DNAJB12: variants seen among roughly 807,000 people sequenced by gnomAD.
DNAJB12 encodes dnaJ homolog subfamily B member 12.
Under a neutral mutation model 40.6 loss-of-function variants are expected in DNAJB12, and 14 were observed. That is an observed-to-expected ratio of 0.34 (90% CI 0.23 to 0.54). The LOEUF is 0.54. DNAJB12 is among the 20% of genes least tolerant of loss of function. The probability of loss-of-function intolerance (pLI) is 0.92; values close to 1 mark genes in which losing one functional copy is unlikely to be tolerated. For synonymous variants in DNAJB12, 181 were observed against 199.5 expected, an observed-to-expected ratio of 0.91 and a Z score of 0.78; for missense variants, 444 against 501.7, an observed-to-expected ratio of 0.89 and a Z score of 1.10.
chr10:72,344,754 C>T (rs1293992319), intron 2 of DNAJB12, among the ~76,000 whole-genome samples, 196 bp downstream of exon 2: 1 of 152,172 alleles, frequency 6.6e-6, no homozygotes. Context: ...GCCCCAGTTC[C>T]CACACTGTAT....
intron 6 of DNAJB12, among the ~76,000 whole-genome samples, chr10:72,337,527 T>G (rs1427674271): frequency 6.6e-6 from 1 of 152,278 alleles, no homozygotes; most frequent in East Asian, 1.9e-4. Flanking sequence ...CAGTCGAGAC[T>G]AAGCATTCAT....
At position 72,335,272 on chromosome 10, in the gene DNAJB12, C is replaced by T. The variant is rs1436736687; in HGVS notation, c.*30+508G>A. ...GCCTGTTCATCTTGCTCCATTTCCT[C>T]CTAGCTGGAGGGATGGAGAAAGGGG... is the stretch of plus-strand genomic sequence containing the variant. On this transcript the variant is annotated intron_variant, in intron 8 of 8. Transcript: ENST00000444643. This position sits in a 1 kb window ranked among gnomAD's most constrained non-coding sequence, Gnocchi z 4.4. 9.1e-6 allele frequency: 9 copies of T among 986,906 alleles called. No homozygotes were observed. The East Asian group carries it at 9.0e-4, about 99-fold the overall frequency. 61.1% of individuals were successfully genotyped at this position (986,906 alleles called of 1,614,324 possible).
Position 72,336,566 on chromosome 10 carries a change from T to C in DNAJB12, c.964A>G (p.Ile322Val). The C allele has an allele frequency of 6.2e-7, 1 of 1,614,126 alleles. No homozygotes were observed. Among genetic ancestry groups the C allele is most frequent in the African/African-American group, 1.3e-5 (1 of 75,060 alleles). Residue 322 changes from isoleucine (I) to valine (V), a missense_variant, in exon 7 of 9, where the codon ATC (isoleucine) becomes GTC (valine). By Grantham distance (29) the Ile-to-Val change is conservative. Transcript: ENST00000444643. Reference protein sequence around the residue: ...TVERNVEDDYIANLRNNCWKE... With the variant: ...TVERNVEDDYVANLRNNCWKE... ...CAGCAGTTGTTCCGGAGGTTGGCGATATAATCATCTTCCACATTCCGCTCG... is the reference window on the plus strand; with the variant it reads ...CAGCAGTTGTTCCGGAGGTTGGCGACATAATCATCTTCCACATTCCGCTCG...
In DNAJB12 at chr10:72,333,438, A is replaced by C. The variant is rs1194573336; in HGVS notation, c.*1210T>G. On this transcript the variant is annotated 3_prime_UTR_variant, in exon 9 of 9. Transcript: ENST00000444643. ...TATCCTTTGTCCAAGGTACGAGAGG[A>C]GGCCTGGCGGTCACATCAACAGCGA... 1.3e-5 allele frequency: 2 copies of C among 152,514 alleles called. No homozygotes were observed. Among genetic ancestry groups the C allele is most frequent in the Non-Finnish European group, 2.9e-5 (2 of 68,066 alleles). The allele number at this position is 152,514 out of a possible 1,614,324, so 9.4% of individuals were successfully genotyped here. A position where few individuals can be genotyped will look rare whatever the true frequency, so the allele number is the denominator to read the frequency against.
chr10:72,335,348 G>T lies in DNAJB12; in HGVS notation c.*30+432C>A. ...CATGGTTCTTCCTGGTATCAGGCAG[G>T]CAGTGTGCATATGGGGCTCTCTTGG... is the stretch of plus-strand genomic sequence containing the variant. On this transcript the variant is annotated intron_variant, in intron 8 of 8. Transcript: ENST00000444643. The surrounding 1 kb of genome is among the most constrained non-coding windows in gnomAD (Gnocchi z 4.4). The T allele has an allele frequency of 1.0e-6, 1 of 991,546 alleles. No individual in the cohort carries two copies. Among genetic ancestry groups the T allele is most frequent in the Non-Finnish European group, 1.2e-6 (1 of 833,422 alleles). The allele number at this position is 991,546 out of a possible 1,614,324, so 61.4% of individuals were successfully genotyped here.
At chr10:72,334,854 G>A in intron 8 of DNAJB12, 1 of 1,338,598 alleles carries the variant, frequency 7.5e-7, no homozygotes, top group Non-Finnish European at 9.5e-7. Context: ...AGGAGGGGGT[G>A]GGCAGGGCAC....
chr10:72,343,341 T>A, intron 3 of DNAJB12, 25 bp downstream of exon 3: 1 of 1,606,226 alleles, frequency 6.2e-7, no homozygotes. Context: ...CACACCAAAA[T>A]GCTAGGAAAG....
At chr10:72,345,149 T>G in intron 1 of DNAJB12, 22 bp from the exon 2 acceptor site, 1 of 1,580,292 alleles carries the variant, frequency 6.3e-7, no homozygotes. Flanking sequence ...AAGGAAACCA[T>G]TCAGAGCTCC....
At chr10:72,345,703 T>C (rs1313476714) in intron 1 of DNAJB12, among the ~76,000 whole-genome samples, 1 of 150,038 alleles carries the variant, frequency 6.7e-6, no homozygotes, top group Middle Eastern at 3.4e-3. Context: ...TGAAACTCCA[T>C]CTCTACTAAA....
In DNAJB12 at chr10:72,336,707, A is replaced by G; in HGVS notation, c.834-11T>C. ...ATGTGGCCCACGGACCTGGCCAGAA[A>G]TACCAGGTTCAAAGTGGGTGCGGGT... On this transcript the variant is annotated splice_polypyrimidine_tract_variant and intron_variant, in intron 6 of 8. Transcript: ENST00000444643. 1 of 1,612,830 alleles carries G rather than the reference A, an allele frequency of 6.2e-7. No homozygotes were observed. The highest frequency in any genetic ancestry group is 2.2e-5 in the East Asian group (1 of 44,868).
Position 72,343,518 on chromosome 10 carries a change from AAGG to A in DNAJB12, c.312-10_312-8del, listed in dbSNP as rs1861695490. On this transcript the variant is annotated splice_region_variant and splice_polypyrimidine_tract_variant and intron_variant, in intron 2 of 8. Transcript: ENST00000444643. ...ATCTTTACATTGCTTGACCCTGGGG[AAGG>A]AGGAGACCATGGTACGGGGTGCTCT... 1 of 1,613,730 alleles carries A rather than the reference AAGG, an allele frequency of 6.2e-7. No individual in the cohort carries two copies. Among genetic ancestry groups the A allele is most frequent in the East Asian group, 2.2e-5 (1 of 44,892 alleles).
Position 72,343,394 on chromosome 10 carries a change from G to A in DNAJB12, c.429C>T (p.His143=), listed in dbSNP as rs201824577. 15 of 1,613,830 alleles carry A rather than the reference G, an allele frequency of 9.3e-6. No individual in the cohort carries two copies. Among genetic ancestry groups the A allele is most frequent in the South Asian group, 3.3e-5 (3 of 91,004 alleles). Reference sequence around the variant, plus strand: ...TGAAGGCTTCAGTGGCACCAGGTGCGTGGTTCTTGTCTGGGTGGAATTTGA... The same window carrying A: ...TGAAGGCTTCAGTGGCACCAGGTGCATGGTTCTTGTCTGGGTGGAATTTGA... ...LALKFHPDKN[H]APGATEAFKA... The change falls in exon 3 of 9, where the codon CAC becomes CAT. Residue 143 remains histidine, a synonymous_variant. Coordinates refer to ENST00000444643, the MANE Select transcript of DNAJB12 (RefSeq NM_017626.7).
chr10:72,345,447 A>T (rs72808135), intron 1 of DNAJB12, among the ~76,000 whole-genome samples: 10,558 of 150,894 alleles, frequency 0.07, 737 homozygotes, highest in African/African-American at 0.18. Flanking sequence ...ACTAAAAATT[A>T]AAAAATTAGC....
chr10:72,346,019 T>C (rs983424256), intron 1 of DNAJB12, among the ~76,000 whole-genome samples: 4 of 152,168 alleles, frequency 2.6e-5, no homozygotes, highest in Non-Finnish European at 4.4e-5. Flanking sequence ...CTGTAGTAAT[T>C]GCTTTATTTT....
chr10:72,338,570 A>C (rs1218424737), intron 5 of DNAJB12, among the ~76,000 whole-genome samples: 1 of 152,208 alleles, frequency 6.6e-6, no homozygotes, highest in Non-Finnish European at 1.5e-5. Context: ...AAAAAAAAAA[A>C]AATCAGCAAA....
At chr10:72,341,261 T>C in intron 3 of DNAJB12, 91 bp from the exon 4 acceptor site, 1 of 1,285,718 alleles carries the variant, frequency 7.8e-7, no homozygotes, top group Non-Finnish European at 1.1e-6. Context: ...TCTCAGGTAC[T>C]CAAGCAGTGC....
In DNAJB12 at chr10:72,341,105, C is replaced by T. The variant is rs146585391; in HGVS notation, c.523G>A (p.Asp175Asn). The T allele has an allele frequency of 1.2e-3, 1,971 of 1,614,176 alleles. 24 individuals carry two copies. In the African/African-American group the frequency reaches 0.024, roughly 19 times the overall value. The change falls in exon 4 of 9, where the codon GAT becomes AAT. Residue 175 changes from aspartate (D) to asparagine (N), a missense_variant. Asp to Asn is a conservative substitution (Grantham distance 23). Coordinates refer to ENST00000444643, the MANE Select transcript of DNAJB12 (RefSeq NM_017626.7). ...TGCCGGGCCGCCTGGCTCTTGTCAT[C>T]GCCGAACTGGTCATACTGCTTCCTC... is the stretch of plus-strand genomic sequence containing the variant. ...EKRKQYDQFG[D>N]DKSQAARHGH...
intron 3 of DNAJB12, among the ~76,000 whole-genome samples, chr10:72,342,671 AGTGGGAATGAGAGAAGGAAGACATG>A (rs1295744908): frequency 1.3e-5 from 2 of 152,218 alleles, no homozygotes; most frequent in East Asian, 1.9e-4. Context: ...AGGTGGATGA[AGTGGGAATGAGAGAAGGAAGACATG>A]GTGGGAATGA....
Position 72,335,528 on chromosome 10 carries a change from T to C in DNAJB12, c.*30+252A>G. The C allele has an allele frequency of 8.2e-7, 1 of 1,220,744 alleles. No individual in the cohort carries two copies. Among genetic ancestry groups the C allele is most frequent in the East Asian group, 4.2e-5 (1 of 23,914 alleles). The allele number at this position is 1,220,744 out of a possible 1,614,324, so 75.6% of individuals were successfully genotyped here. On this transcript the variant is annotated intron_variant, in intron 8 of 8. Coordinates refer to ENST00000444643, the MANE Select transcript of DNAJB12 (RefSeq NM_017626.7). This position sits in a 1 kb window ranked among gnomAD's most constrained non-coding sequence, Gnocchi z 4.4. ...GTTCCCACTCTGCCTGGTTCTGGGG[T>C]CCCCCACACCCCTGGAGCCAGGGAG...
Sources: allele counts gnomAD v4.1 joint callset (sites outside exome capture counted in the v4.1 genomes callset), GRCh38; gene constraint gnomAD v4.1.1; non-coding constraint Gnocchi (gnomAD v3.1); transcripts MANE v1.5; gene names NCBI Gene and HGNC (gene_info 2026-07-23, HGNC 2026-07-21).